Variants in ZNF519 observed in about 807,000 individuals in gnomAD.
ZNF519 encodes similar to Zinc finger protein 85 (Zinc finger protein HPF4) (HTF1).
A neutral mutation model predicts 7.4 loss-of-function variants in ZNF519; 7 were observed. That is an observed-to-expected ratio of 0.94 (90% CI 0.54 to 1.77). ZNF519 has a LOEUF of 1.77. Ranked by LOEUF, ZNF519 falls within the 40% of genes most tolerant of loss-of-function variation. ZNF519 has a pLI of 0.00. For synonymous variants in ZNF519, 179 were observed against 203.3 expected, an observed-to-expected ratio of 0.88 and a Z score of 1.02; for missense variants, 586 against 623.1, an observed-to-expected ratio of 0.94 and a Z score of 0.63.
exon 5 of ZNF519, chr18:14,077,085 A>G (rs1480263940): frequency 2.0e-5 from 3 of 152,224 alleles, no homozygotes; most frequent in African/African-American, 7.2e-5. Context: ...CTGGGAAATT[A>G]ATTCCAAATT....
chr18:14,083,988 T>A (rs1327330938), intron 3 of ZNF519, among the ~76,000 whole-genome samples: 1 of 152,138 alleles, frequency 6.6e-6, no homozygotes, highest in African/African-American at 2.4e-5. Context: ...TTGGGTATAG[T>A]CCTGCCCAGG....
chr18:14,127,712 C>A (rs957025553), intron 1 of ZNF519, among the ~76,000 whole-genome samples: 1 of 152,048 alleles, frequency 6.6e-6, no homozygotes, highest in Admixed American at 6.6e-5. Context: ...TGTGAAGATG[C>A]CAGGAGCACT....
In ZNF519 at chr18:14,101,477, C is replaced by T. The variant is rs1598513954; in HGVS notation, c.*3440G>A. The T allele has an allele frequency of 1.3e-5, 5 of 395,032 alleles. No homozygotes were observed. Among genetic ancestry groups the T allele is most frequent in the Admixed American group, 8.8e-5 (2 of 22,662 alleles). 24.5% of individuals were successfully genotyped at this position (395,032 alleles called of 1,614,324 possible). A position where few individuals can be genotyped will look rare whatever the true frequency, so the allele number is the denominator to read the frequency against. On this transcript the variant is annotated 3_prime_UTR_variant, in exon 3 of 3. Coordinates refer to ENST00000590202, the MANE Select transcript of ZNF519 (RefSeq NM_145287.4). Reference sequence around the variant, plus strand: ...CAAATATGTGAAAGCCGATTGTACACCTGAACAGTGCTGGGGTGAAATGGT... The same window carrying T: ...CAAATATGTGAAAGCCGATTGTACATCTGAACAGTGCTGGGGTGAAATGGT...
rs1224555800 is a variant in ZNF519 at position 14,104,255 on chromosome 18, C to CA, written c.*661dup. The CA allele has an allele frequency of 1.3e-5, 2 of 152,172 alleles. No homozygotes were observed. Among genetic ancestry groups the CA allele is most frequent in the South Asian group, 2.1e-4 (1 of 4,826 alleles). 9.4% of individuals were successfully genotyped at this position (152,172 alleles called of 1,614,324 possible). The stretch of plus-strand genomic sequence containing the variant: ...GGTAAAACTATTCATATCTAAAACT[C>CA]AGAGTGTTTCTGTCTCACACTTTAA... On this transcript the variant is annotated 3_prime_UTR_variant, in exon 3 of 3. Transcript: ENST00000590202.
intron 2 of ZNF519, chr18:14,089,813 T>C (rs1392138865): frequency 1.3e-5 from 2 of 152,182 alleles, no homozygotes; most frequent in African/African-American, 4.8e-5. Context: ...ATAGGCCTAT[T>C]TTATTTGTAA....
intron 2 of ZNF519, among the ~76,000 whole-genome samples, chr18:14,088,913 T>A (rs191768760): frequency 1.3e-5 from 2 of 152,298 alleles, no homozygotes; most frequent in East Asian, 1.9e-4. Flanking sequence ...TTGATTTTTT[T>A]AGGAATATTA....
chr18:14,092,955 G>C (rs1412621690), intron 2 of ZNF519, among the ~76,000 whole-genome samples: 2 of 152,192 alleles, frequency 1.3e-5, no homozygotes, highest in East Asian at 3.9e-4. Flanking sequence ...ACTCAAGACT[G>C]CCAAACAATT....
chr18:14,105,758 C>T lies in ZNF519; in HGVS notation c.782G>A (p.Gly261Glu). The change falls in exon 3 of 3, where the codon GGA becomes GAA. Residue 261 changes from glycine to glutamate, a missense_variant. Transcript: ENST00000590202. ...HLKGHKIINT[G>E]EKSVKYKERG... ...TTCTTTATATTTCACTGATTTTTCT[C>T]CAGTGTTAATTATCTTATGTCCCTT... 3 of 1,613,820 alleles carry T rather than the reference C, an allele frequency of 1.9e-6. No individual in the cohort carries two copies. Among genetic ancestry groups the T allele is most frequent in the Non-Finnish European group, 2.5e-6 (3 of 1,179,928 alleles).
intron 3 of ZNF519, among the ~76,000 whole-genome samples, chr18:14,079,017 G>A (rs2046059867): frequency 6.6e-6 from 1 of 152,200 alleles, no homozygotes; most frequent in South Asian, 2.1e-4. Flanking sequence ...TAAGCTGGCA[G>A]ATTTTGGTGG....
intron 1 of ZNF519, among the ~76,000 whole-genome samples, chr18:14,129,568 G>A (rs1281019502): frequency 2.0e-5 from 3 of 152,106 alleles, no homozygotes; most frequent in East Asian, 3.8e-4. Flanking sequence ...CAGACACCTG[G>A]AGTCTCCTTA....
At position 14,104,109 on chromosome 18, in the gene ZNF519, C is replaced by T. The variant is rs1201506587; in HGVS notation, c.*808G>A. 1 of 152,098 alleles carries T rather than the reference C, an allele frequency of 6.6e-6. No individual in the cohort carries two copies. Among genetic ancestry groups the T allele is most frequent in the Non-Finnish European group, 1.5e-5 (1 of 67,978 alleles). The allele number at this position is 152,098 out of a possible 1,614,324, so 9.4% of individuals were successfully genotyped here. On this transcript the variant is annotated 3_prime_UTR_variant, in exon 3 of 3. Transcript: ENST00000590202. ...TTCTACCAGAGAGAAGTTATTTGCA[C>T]CACTCTCTGATATTTGTGATTTCTT...
rs1717367974 is a variant in ZNF519 at position 14,104,820 on chromosome 18, A to G, written c.*97T>C. The G allele has an allele frequency of 7.8e-7, 1 of 1,275,558 alleles. No individual in the cohort carries two copies. Among genetic ancestry groups the G allele is most frequent in the African/African-American group, 1.5e-5 (1 of 67,506 alleles). The allele number at this position is 1,275,558 out of a possible 1,614,324, so 79.0% of individuals were successfully genotyped here. A position where few individuals can be genotyped will look rare whatever the true frequency, so the allele number is the denominator to read the frequency against. On this transcript the variant is annotated 3_prime_UTR_variant, in exon 3 of 3. Coordinates refer to ENST00000590202, the MANE Select transcript of ZNF519 (RefSeq NM_145287.4). ...ATTTTGATGTTTCAAAAATCATTAC[A>G]CATATGGGATTTCTATCCAGTATTG...
downstream of ZNF519, among the ~76,000 whole-genome samples, chr18:14,096,278 C>T (rs2046136473): frequency 6.6e-6 from 1 of 152,214 alleles, no homozygotes; most frequent in Non-Finnish European, 1.5e-5. Flanking sequence ...GCCCTTCCTA[C>T]CCACTTCACT....
At chr18:14,090,594 C>T (rs997505650) in intron 2 of ZNF519, 7 of 152,296 alleles carry the variant, frequency 4.6e-5, no homozygotes, top group African/African-American at 9.7e-5. Context: ...GAGTGCTGCC[C>T]CTCCCCTCCA....
intron 2 of ZNF519, among the ~76,000 whole-genome samples, chr18:14,109,501 T>A (rs563057332): frequency 6.6e-6 from 1 of 152,132 alleles, no homozygotes; most frequent in Non-Finnish European, 1.5e-5. Context: ...AAAATTAAAA[T>A]AATATCAAGC....
At chr18:14,072,887 T>C (rs746526565), downstream of ZNF519, 3 of 152,196 alleles carry the variant, frequency 2.0e-5, no homozygotes, top group Non-Finnish European at 4.4e-5. Flanking sequence ...GACATTTACC[T>C]GGTACAGGCC....
intron 1 of ZNF519, among the ~76,000 whole-genome samples, chr18:14,126,447 A>AT (rs1433926661): frequency 1.3e-5 from 2 of 152,230 alleles, no homozygotes; most frequent in Non-Finnish European, 2.9e-5. Context: ...CTGTCCATGA[A>AT]TAGACCTTCA....
At chr18:14,119,629 T>C (rs1285535442) in intron 2 of ZNF519, among the ~76,000 whole-genome samples, 2 of 152,170 alleles carry the variant, frequency 1.3e-5, no homozygotes, top group African/African-American at 4.8e-5. Flanking sequence ...CAAATACTTC[T>C]GGGGTTTTTT....
rs1382855425 is a variant in ZNF519, at chr18:14,103,915, A to C, written c.*1002T>G. On this transcript the variant is annotated 3_prime_UTR_variant, in exon 3 of 3. Coordinates refer to ENST00000590202, the MANE Select transcript of ZNF519 (RefSeq NM_145287.4). ...ATTCTTAAAAAAAAATTAAGTTTAC[A>C]GACTGAATAAAGCATTTCAAAATCC... 6.6e-6 allele frequency: 1 copy of C among 152,076 alleles called. No individual in the cohort carries two copies. Among genetic ancestry groups the C allele is most frequent in the Admixed American group, 6.5e-5 (1 of 15,280 alleles). 9.4% of individuals were successfully genotyped at this position (152,076 alleles called of 1,614,324 possible). A position where few individuals can be genotyped will look rare whatever the true frequency, so the allele number is the denominator to read the frequency against.
Sources: gnomAD v4.1 joint callset for allele counts (sites outside exome capture counted in the v4.1 genomes callset) on GRCh38, gnomAD v4.1.1 for gene constraint, MANE v1.5 for transcripts, NCBI Gene and HGNC (gene_info 2026-07-23, HGNC 2026-07-21) for gene names.